Variants in COL14A1 observed in about 807,000 individuals in gnomAD.
COL14A1 encodes the protein collagen type XIV alpha 1 chain, also known as collagen alpha-1(XIV) chain.
COL14A1 carries 136 observed loss-of-function variants against 230.3 expected under a neutral mutation model. The ratio of observed to expected loss-of-function variants is 0.59; its 90% CI spans 0.51 to 0.68. The LOEUF is 0.68. Ranked by LOEUF, COL14A1 falls within the 30% of genes least tolerant of loss-of-function variation. COL14A1 has a pLI of 0.00. For missense variants in COL14A1, 1,976 were observed against 2,215.8 expected (o/e 0.89, Z 2.17); for synonymous variants, 792 against 784.1 (o/e 1.01, Z -0.17).
At chr8:120,367,453 T>C (rs1823442412) in intron 46 of COL14A1, among the ~76,000 whole-genome samples, 1 of 152,214 alleles carries the variant, frequency 6.6e-6, no homozygotes, top group Non-Finnish European at 1.5e-5. Context: ...TGGGATCTTA[T>C]TGTTTGTGTG....
chr8:120,169,678 A>G (rs956947176), intron 5 of COL14A1, among the ~76,000 whole-genome samples: 2 of 152,062 alleles, frequency 1.3e-5, no homozygotes, highest in African/African-American at 4.8e-5. Flanking sequence ...AATTTTTAAT[A>G]CAATTAAAAA....
At chr8:120,264,575 CA>C (rs1819450181) in intron 24 of COL14A1, among the ~76,000 whole-genome samples, 1 of 152,106 alleles carries the variant, frequency 6.6e-6, no homozygotes, top group Non-Finnish European at 1.5e-5. Flanking sequence ...TGTCATCTAG[CA>C]AGTACTTTTT....
intron 35 of COL14A1, 68 bp downstream of exon 35, chr8:120,297,656 A>G (rs1041725317): frequency 1.3e-5 from 11 of 861,716 alleles, no homozygotes; most frequent in Non-Finnish European, 1.8e-5. Flanking sequence ...ATGAGAAGCT[A>G]TTTCTCAACA....
In COL14A1 at chr8:120,218,778, C is replaced by A. The variant is rs1025139097; in HGVS notation, c.1737+2288C>A. Among the ~76,000 whole-genome samples, 3 of 152,274 alleles carry A rather than the reference C, an allele frequency of 2.0e-5. No individual in the cohort carries two copies. In the East Asian group the frequency reaches 5.8e-4, roughly 29 times the overall value. On this transcript the variant is annotated intron_variant, in intron 14 of 47. Transcript: ENST00000297848. ...ATGGGAAGTGTGTGCATCCAGGACG[C>A]AGCCAGTCTCAGCTTCTACTTATTG...
intron 45 of COL14A1, among the ~76,000 whole-genome samples, chr8:120,355,776 A>C (rs767245204): frequency 6.6e-6 from 1 of 152,126 alleles, no homozygotes; most frequent in Non-Finnish European, 1.5e-5. Flanking sequence ...GAAATTTTTG[A>C]ATCAGAGAAA....
At chr8:120,340,848 A>G (rs1387568917) in intron 42 of COL14A1, among the ~76,000 whole-genome samples, 2 of 152,186 alleles carry the variant, frequency 1.3e-5, no homozygotes, top group African/African-American at 2.4e-5. Flanking sequence ...GATTTCACTA[A>G]TCTCATCTCT....
rs745653696 is a variant in COL14A1 at position 120,280,758 on chromosome 8, T to C, written c.3685+9T>C. ...TGGCATTGATCTTGCAGGTATGCAT[T>C]ATCACAATCTTTTCAAACACAAAAT... is the stretch of plus-strand genomic sequence containing the variant. On this transcript the variant is annotated intron_variant, in intron 30 of 47. Transcript: ENST00000297848. The C allele has an allele frequency of 6.2e-7, 1 of 1,612,306 alleles. No homozygotes were observed. Among genetic ancestry groups the C allele is most frequent in the Non-Finnish European group, 8.5e-7 (1 of 1,179,304 alleles).
chr8:120,354,271 T>C (rs1186500315), intron 45 of COL14A1, among the ~76,000 whole-genome samples: 17 of 107,694 alleles, frequency 1.6e-4, no homozygotes, highest in South Asian at 1.6e-3. Context: ...GGGATAGCAT[T>C]GGGAGATATA....
At chr8:120,144,726 T>C (rs928677470) in intron 1 of COL14A1, among the ~76,000 whole-genome samples, 2 of 152,108 alleles carry the variant, frequency 1.3e-5, no homozygotes, top group Non-Finnish European at 2.9e-5. Context: ...GAAAAAAATA[T>C]AAAGGTAGCA....
chr8:120,132,617 A>G (rs1038457631), intron 1 of COL14A1, among the ~76,000 whole-genome samples: 1 of 151,802 alleles, frequency 6.6e-6, no homozygotes, highest in East Asian at 1.9e-4. Flanking sequence ...GATAGCAATA[A>G]CATTGAACCT....
chr8:120,209,729 C>T lies in COL14A1; in HGVS notation c.1322-27C>T. 7 of 1,594,256 alleles carry T rather than the reference C, an allele frequency of 4.4e-6. 1 individual carries two copies. The Middle Eastern group carries it at 6.7e-4, about 153-fold the overall frequency. On this transcript the variant is annotated intron_variant, in intron 11 of 47. Coordinates refer to ENST00000297848, the MANE Select transcript of COL14A1 (RefSeq NM_021110.4). ...CTCAAGGACACATATATAAGTGGCT[C>T]AACATTTAAAAAAAAATCTCTTGCA...
intron 34 of COL14A1, among the ~76,000 whole-genome samples, chr8:120,293,545 A>G (rs1459073529): frequency 2.0e-5 from 3 of 151,854 alleles, no homozygotes; most frequent in African/African-American, 7.2e-5. Flanking sequence ...CTGTAGATAG[A>G]GAAACTGAGA....
chr8:120,206,136 A>G (rs1363154073), intron 9 of COL14A1, among the ~76,000 whole-genome samples: 1 of 152,194 alleles, frequency 6.6e-6, no homozygotes, highest in African/African-American at 2.4e-5. Flanking sequence ...GCTTAAAAAC[A>G]TAGACTCTTG....
At chr8:120,207,291 C>T (rs1186446626) in intron 10 of COL14A1, among the ~76,000 whole-genome samples, 197 bp downstream of exon 10, 2 of 152,196 alleles carry the variant, frequency 1.3e-5, no homozygotes, top group Non-Finnish European at 2.9e-5. Context: ...TTCATCTCTC[C>T]AAATAACACT....
intron 45 of COL14A1, among the ~76,000 whole-genome samples, chr8:120,355,649 C>A (rs1019921483): frequency 6.6e-6 from 1 of 152,122 alleles, no homozygotes; most frequent in African/African-American, 2.4e-5. Context: ...CTAACCTCAA[C>A]TGACAACCCC....
At chr8:120,313,887 G>C (rs766234378) in intron 37 of COL14A1, 45 bp from the exon 38 acceptor site, 2 of 1,189,836 alleles carry the variant, frequency 1.7e-6, no homozygotes, top group Non-Finnish European at 2.4e-6. Flanking sequence ...AGATGTCAGA[G>C]AGTCTAACTT....
intron 5 of COL14A1, among the ~76,000 whole-genome samples, chr8:120,193,494 G>C (rs2130695273): frequency 6.6e-6 from 1 of 152,310 alleles, no homozygotes; most frequent in South Asian, 2.1e-4. Flanking sequence ...TTGGGGGTCA[G>C]CGGTCAGGGA....
chr8:120,350,992 ACT>A (rs1254975371), intron 45 of COL14A1, among the ~76,000 whole-genome samples: 1 of 148,624 alleles, frequency 6.7e-6, no homozygotes, highest in Non-Finnish European at 1.5e-5. Context: ...TGGAAGTAAA[ACT>A]CTCCTCAGCA....
chr8:120,229,089 T>TTTTTA (rs144526831), intron 18 of COL14A1, among the ~76,000 whole-genome samples: 73,025 of 137,178 alleles, frequency 0.53, 19,833 homozygotes, highest in Middle Eastern at 0.6. Flanking sequence ...TTTTTTTTTC[T>TTTTTA]TTTTATTTTA....
Sources: gnomAD v4.1 joint callset for allele counts (sites outside exome capture counted in the v4.1 genomes callset) on GRCh38, gnomAD v4.1.1 for gene constraint, MANE v1.5 for transcripts, NCBI Gene and HGNC (gene_info 2026-07-23, HGNC 2026-07-21) for gene names.